CA10: variants seen among roughly 807,000 people sequenced by gnomAD.
The protein encoded by CA10 is carbonic anhydrase 10 (inactive).
CA10 carries 14 observed loss-of-function variants against 44.2 expected under a neutral mutation model. The ratio of observed to expected loss-of-function variants is 0.32; its 90% CI spans 0.21 to 0.50. The LOEUF (loss-of-function observed/expected upper bound fraction) is 0.50. Ranked by LOEUF, CA10 falls within the 20% of genes least tolerant of loss-of-function variation. CA10 has a pLI of 0.99. For missense variants in CA10, 350 were observed against 409.7 expected (o/e 0.85, Z 1.26); for synonymous variants, 159 against 141.6 (o/e 1.12, Z -0.87).
intron 1 of CA10, among the ~76,000 whole-genome samples, chr17:52,080,178 C>T (rs1408176548): frequency 1.3e-5 from 2 of 152,190 alleles, no homozygotes; most frequent in Admixed American, 6.5e-5. Context: ...CAAGGCCAGG[C>T]GCAGTGGCTC....
chr17:51,709,104 A>C (rs142611211), intron 4 of CA10, among the ~76,000 whole-genome samples: 1 of 152,322 alleles, frequency 6.6e-6, no homozygotes, highest in East Asian at 1.9e-4. Context: ...ACAGATTCTG[A>C]GGGCAGAAAC....
At chr17:51,845,237 A>G (rs1448659936) in intron 3 of CA10, among the ~76,000 whole-genome samples, 1 of 152,220 alleles carries the variant, frequency 6.6e-6, no homozygotes, top group Non-Finnish European at 1.5e-5. Flanking sequence ...TGGCAGCCCT[A>G]GAACATCAGC....
At chr17:51,764,597 C>T (rs1329693900) in intron 3 of CA10, among the ~76,000 whole-genome samples, 5 of 152,134 alleles carry the variant, frequency 3.3e-5, no homozygotes, top group East Asian at 3.9e-4. Flanking sequence ...CCCACAACTG[C>T]GGTTCCCCAA....
chr17:52,101,690 ACTTGT>A (rs1256239698), intron 1 of CA10, among the ~76,000 whole-genome samples: 1 of 152,164 alleles, frequency 6.6e-6, no homozygotes, highest in African/African-American at 2.4e-5. Context: ...AGAGTTGATC[ACTTGT>A]CTTGGCTGCC....
At chr17:52,102,407 TAGAGA>T (rs1185939188) in intron 1 of CA10, among the ~76,000 whole-genome samples, 1 of 152,244 alleles carries the variant, frequency 6.6e-6, no homozygotes, top group Non-Finnish European at 1.5e-5. Context: ...TGAAAAATTC[TAGAGA>T]AGACAGAGAT....
At chr17:52,123,922 T>TAA (rs764090487) in intron 1 of CA10, among the ~76,000 whole-genome samples, 1 of 152,104 alleles carries the variant, frequency 6.6e-6, no homozygotes, top group Non-Finnish European at 1.5e-5. Context: ...GGACCCTGTT[T>TAA]AAAAAAAGCA....
intron 4 of CA10, among the ~76,000 whole-genome samples, chr17:51,679,562 ATTTTTTTT>A (rs58947305): frequency 1.4e-5 from 2 of 140,886 alleles, no homozygotes; most frequent in Admixed American, 7.0e-5. Flanking sequence ...TGCCTGGCCT[ATTTTTTTT>A]TTTTTTTTAA....
At chr17:51,720,999 C>G (rs1916332922) in intron 4 of CA10, among the ~76,000 whole-genome samples, 2 of 152,096 alleles carry the variant, frequency 1.3e-5, no homozygotes, top group African/African-American at 4.8e-5. Flanking sequence ...ACATTGTATC[C>G]CACATATATA....
chr17:51,700,084 G>T (rs1288611817), intron 4 of CA10, among the ~76,000 whole-genome samples: 1 of 152,180 alleles, frequency 6.6e-6, no homozygotes, highest in Admixed American at 6.5e-5. Flanking sequence ...GCCATCAGGT[G>T]GTAGGCTGCA....
At chr17:52,071,250 C>A (rs1346195777) in intron 2 of CA10, among the ~76,000 whole-genome samples, 1 of 152,176 alleles carries the variant, frequency 6.6e-6, no homozygotes, top group Non-Finnish European at 1.5e-5. Context: ...TAATAATATT[C>A]ATTTCTGAGG....
chr17:51,752,350 G>T (rs1296173093), intron 3 of CA10, among the ~76,000 whole-genome samples: 7 of 151,790 alleles, frequency 4.6e-5, no homozygotes, highest in Middle Eastern at 3.4e-3. Flanking sequence ...ATACAGACCA[G>T]GAAACAAAAC....
chr17:51,820,777 G>A (rs892885080), intron 3 of CA10, among the ~76,000 whole-genome samples: 8 of 152,026 alleles, frequency 5.3e-5, no homozygotes, highest in Admixed American at 4.6e-4. Context: ...TTTAGAGCAC[G>A]TCCCAGAATT....
At chr17:51,895,959 T>C (rs1981049799) in intron 3 of CA10, among the ~76,000 whole-genome samples, 1 of 152,154 alleles carries the variant, frequency 6.6e-6, no homozygotes, top group East Asian at 1.9e-4. Flanking sequence ...TGAGACAATA[T>C]AATGAATATC....
intron 2 of CA10, among the ~76,000 whole-genome samples, chr17:51,966,194 T>G (rs1029527093): frequency 4.0e-5 from 6 of 151,868 alleles, no homozygotes; most frequent in South Asian, 2.1e-4. Flanking sequence ...TTCAAAACAC[T>G]GCTCAATGAA....
chr17:51,776,410 A>G (rs577218139), intron 3 of CA10, among the ~76,000 whole-genome samples: 3 of 152,326 alleles, frequency 2.0e-5, no homozygotes, highest in South Asian at 4.1e-4. Flanking sequence ...ATTTTATAGT[A>G]GCCACATTAA....
chr17:51,856,060 A>C (rs1378604892), intron 3 of CA10, among the ~76,000 whole-genome samples: 2 of 152,188 alleles, frequency 1.3e-5, no homozygotes, highest in Non-Finnish European at 2.9e-5. Flanking sequence ...GCAAATGTGC[A>C]AGCCTTAAGC....
At chr17:52,132,847 A>G (rs1184016735) in intron 1 of CA10, among the ~76,000 whole-genome samples, 1 of 152,134 alleles carries the variant, frequency 6.6e-6, no homozygotes, top group Non-Finnish European at 1.5e-5. Flanking sequence ...CTTGGTCCAG[A>G]CACAGGTGAC....
intron 1 of CA10, among the ~76,000 whole-genome samples, chr17:52,100,909 G>A (rs1988522436): frequency 6.6e-6 from 1 of 152,184 alleles, no homozygotes; most frequent in Non-Finnish European, 1.5e-5. Flanking sequence ...AGGAAATAAT[G>A]ATATCTTCAT....
At chr17:52,039,771 T>C (rs949519386) in intron 2 of CA10, among the ~76,000 whole-genome samples, 2 of 152,080 alleles carry the variant, frequency 1.3e-5, no homozygotes, top group Admixed American at 6.5e-5. Flanking sequence ...CAAAGAATAA[T>C]GGGTAGTACA....
Sources: allele counts gnomAD v4.1 joint callset (sites outside exome capture counted in the v4.1 genomes callset), GRCh38; gene constraint gnomAD v4.1.1; transcripts MANE v1.5; gene names NCBI Gene and HGNC (gene_info 2026-07-23, HGNC 2026-07-21).